Variants in RFX7 observed in about 807,000 individuals in gnomAD.
The protein encoded by RFX7 is DNA-binding protein RFX7.
In RFX7, 26 loss-of-function variants were observed where a neutral mutation model predicts 111.8. The observed-to-expected ratio is 0.23, with a 90% CI of 0.17 to 0.32. The LOEUF (loss-of-function observed/expected upper bound fraction) is 0.32. RFX7 is among the 10% of genes least tolerant of loss of function. RFX7 has a pLI of 1.00. For missense variants in RFX7, 1,573 were observed against 1,772.9 expected (o/e 0.89, Z 2.02); for synonymous variants, 624 against 624.4 (o/e 1.00, Z 0.01).
chr15:56,193,521 T>C (rs1227311833), intron 2 of RFX7, among the ~76,000 whole-genome samples: 1 of 152,196 alleles, frequency 6.6e-6, no homozygotes, highest in African/African-American at 2.4e-5. Flanking sequence ...TTTTTAACTT[T>C]TACAAAAATT....
At chr15:56,193,915 T>C (rs2043122824) in intron 2 of RFX7, among the ~76,000 whole-genome samples, 1 of 152,138 alleles carries the variant, frequency 6.6e-6, no homozygotes. Flanking sequence ...CTTAGTCTAA[T>C]CCTACTTTCT....
At chr15:56,140,440 T>C (rs1178782131) in intron 5 of RFX7, among the ~76,000 whole-genome samples, 1 of 152,240 alleles carries the variant, frequency 6.6e-6, no homozygotes, top group African/African-American at 2.4e-5. Context: ...CCCCTTGCGC[T>C]TCCCAAGTGA....
Position 56,159,884 on chromosome 15 carries a change from A to T in RFX7, c.196-15401T>A, listed in dbSNP as rs1483951379. Among the ~76,000 whole-genome samples, 4 of 152,300 alleles carry T rather than the reference A, an allele frequency of 2.6e-5. No homozygotes were observed. In the East Asian group the frequency reaches 7.7e-4, roughly 29 times the overall value. ...ATTTATTGGCATAATATTCAATTTA[A>T]AAGTAGCCTAAATGGAGAGATCTGC... is the stretch of plus-strand genomic sequence containing the variant. On this transcript the variant is annotated intron_variant, in intron 3 of 9. Coordinates refer to ENST00000559447, the MANE Select transcript of RFX7 (RefSeq NM_022841.7).
chr15:56,166,910 C>T (rs1595981928), intron 3 of RFX7, among the ~76,000 whole-genome samples: 2 of 152,076 alleles, frequency 1.3e-5, no homozygotes, highest in East Asian at 3.9e-4. Flanking sequence ...GGTTACGGAA[C>T]CTTTTGCATA....
intron 5 of RFX7, among the ~76,000 whole-genome samples, chr15:56,139,874 A>G (rs1232820500): frequency 6.6e-6 from 1 of 152,158 alleles, no homozygotes; most frequent in Non-Finnish European, 1.5e-5. Context: ...AATACGCTGC[A>G]GTGTGAGGTG....
intron 9 of RFX7, 56 bp from the exon 10 acceptor site, chr15:56,096,676 T>C (rs1358198382): frequency 6.8e-7 from 1 of 1,467,278 alleles, no homozygotes; most frequent in East Asian, 2.5e-5. Flanking sequence ...AAATAGTAAT[T>C]CATGTATCTG....
At chr15:56,125,753 G>C (rs747815345) in intron 5 of RFX7, among the ~76,000 whole-genome samples, 5 of 151,934 alleles carry the variant, frequency 3.3e-5, no homozygotes, top group Admixed American at 2.0e-4. Flanking sequence ...TTTTACAAAA[G>C]GATAGTAGGC....
intron 5 of RFX7, among the ~76,000 whole-genome samples, chr15:56,137,965 C>G: frequency 6.6e-6 from 1 of 151,814 alleles, no homozygotes; most frequent in Non-Finnish European, 1.5e-5. Flanking sequence ...TTTGATTGCA[C>G]TGTGGTCTGA....
At chr15:56,121,995 CTG>C (rs2042084938) in intron 5 of RFX7, among the ~76,000 whole-genome samples, 2 of 152,326 alleles carry the variant, frequency 1.3e-5, no homozygotes, top group South Asian at 4.1e-4. Flanking sequence ...TCACATATCT[CTG>C]TCTCTCCAGG....
intron 5 of RFX7, among the ~76,000 whole-genome samples, chr15:56,141,840 T>C (rs2042403642): frequency 6.6e-6 from 1 of 151,344 alleles, no homozygotes; most frequent in Non-Finnish European, 1.5e-5. Flanking sequence ...AAAGAGAAAA[T>C]AAATCTAGAG....
intron 3 of RFX7, among the ~76,000 whole-genome samples, chr15:56,156,720 C>A (rs1321980490): frequency 6.6e-6 from 1 of 152,152 alleles, no homozygotes; most frequent in Non-Finnish European, 1.5e-5. Context: ...TCTCCAGATT[C>A]TTGTTAAAAC....
chr15:56,160,474 A>G (rs1390851629), intron 3 of RFX7, among the ~76,000 whole-genome samples: 2 of 152,016 alleles, frequency 1.3e-5, no homozygotes, highest in African/African-American at 4.8e-5. Context: ...GAACATAAAT[A>G]CACTAATAAT....
chr15:56,159,759 A>C (rs77400595), intron 3 of RFX7, among the ~76,000 whole-genome samples: 1,885 of 152,316 alleles, frequency 0.012, 42 homozygotes, highest in African/African-American at 0.041. Context: ...AACTGTCAAT[A>C]CATACCAGAT....
chr15:56,162,176 G>C lies in RFX7; in HGVS notation c.195+17094C>G, dbSNP rs2141087483. Among the ~76,000 whole-genome samples, 4 of 152,132 alleles carry C rather than the reference G, an allele frequency of 2.6e-5. 1 individual carries two copies. In the South Asian group the frequency reaches 8.3e-4, roughly 32 times the overall value. ...TACTTGACAGTCCAGCTGCCACAAT[G>C]CTTTCAAAAAACTGGATTTCTACTG... On this transcript the variant is annotated intron_variant, in intron 3 of 9. Coordinates refer to ENST00000559447, the MANE Select transcript of RFX7 (RefSeq NM_022841.7).
At chr15:56,148,855 G>A (rs2042523538) in intron 3 of RFX7, among the ~76,000 whole-genome samples, 1 of 152,164 alleles carries the variant, frequency 6.6e-6, no homozygotes, top group South Asian at 2.1e-4. Flanking sequence ...GCTGAGGTGG[G>A]CGGATCATGA....
At chr15:56,188,156 A>G (rs1028270934) in intron 2 of RFX7, among the ~76,000 whole-genome samples, 1 of 152,242 alleles carries the variant, frequency 6.6e-6, no homozygotes, top group African/African-American at 2.4e-5. Flanking sequence ...CTAGAACTTA[A>G]AAGTTATAAT....
chr15:56,232,965 C>T (rs1275381013), intron 2 of RFX7, among the ~76,000 whole-genome samples: 1 of 152,298 alleles, frequency 6.6e-6, no homozygotes, highest in East Asian at 1.9e-4. Context: ...AACTTTCTCA[C>T]ATTTTCCTAT....
At position 56,098,081 on chromosome 15, in the gene RFX7, C is replaced by T; in HGVS notation, c.1107G>A (p.Pro369=). The part of the protein sequence containing the change: ...IVVAAVPSPI[P]VQRTRQLVTS... Reference sequence around the variant, plus strand: ...GCCAAATACTATTTAATTATATTACCGGAATGGGACTAGGGACAGCTGCCA... The same window carrying T: ...GCCAAATACTATTTAATTATATTACTGGAATGGGACTAGGGACAGCTGCCA... Residue 369 remains proline, a splice_region_variant and synonymous_variant, in exon 9 of 10, where the codon CCG becomes CCA. Transcript: ENST00000559447. 2 of 1,612,080 alleles carry T rather than the reference C, an allele frequency of 1.2e-6. No individual in the cohort carries two copies. Among genetic ancestry groups the T allele is most frequent in the Non-Finnish European group, 1.7e-6 (2 of 1,178,948 alleles).
chr15:56,130,679 C>A (rs1447715815), intron 5 of RFX7, among the ~76,000 whole-genome samples: 4 of 151,008 alleles, frequency 2.6e-5, no homozygotes, highest in Non-Finnish European at 5.9e-5. Flanking sequence ...AATAAAAGCA[C>A]CTAATAAATG....
Sources: gnomAD v4.1 joint callset for allele counts (sites outside exome capture counted in the v4.1 genomes callset) on GRCh38, gnomAD v4.1.1 for gene constraint, MANE v1.5 for transcripts, NCBI Gene and HGNC (gene_info 2026-07-23, HGNC 2026-07-21) for gene names.